Variants in GPR158 observed in about 807,000 individuals in gnomAD.
The protein encoded by GPR158 is G protein-coupled receptor 158, also known as metabotropic glycine receptor.
Under a neutral mutation model 78.2 loss-of-function variants are expected in GPR158, and 30 were observed. That is an observed-to-expected ratio of 0.38 (90% CI 0.29 to 0.52). The LOEUF is 0.52. Ranked by LOEUF, GPR158 falls within the 20% of genes least tolerant of loss-of-function variation. The pLI, the probability that GPR158 is intolerant of heterozygous loss-of-function variation, is 0.83. For missense variants in GPR158, 1,463 were observed against 1,523.5 expected, an observed-to-expected ratio of 0.96 and a Z score of 0.66; for synonymous variants, 581 against 591.1, an observed-to-expected ratio of 0.98 and a Z score of 0.25.
chr10:25,429,683 C>T (rs538169374), intron 4 of GPR158, among the ~76,000 whole-genome samples: 66 of 150,930 alleles, frequency 4.4e-4, no homozygotes, highest in Middle Eastern at 3.4e-3. Context: ...GGCTTCATCC[C>T]TGGGATGCAA....
chr10:25,354,618 A>G (rs1855522690), intron 2 of GPR158, among the ~76,000 whole-genome samples: 1 of 152,040 alleles, frequency 6.6e-6, no homozygotes, highest in Non-Finnish European at 1.5e-5. Flanking sequence ...GTGTTAGAGT[A>G]TTCTTGGCTT....
chr10:25,529,204 G>A (rs117288939), intron 5 of GPR158, among the ~76,000 whole-genome samples: 2,353 of 152,060 alleles, frequency 0.015, 20 homozygotes, highest in Non-Finnish European at 0.025. Context: ...CTGCTAACAC[G>A]GTGAAACCCT....
chr10:25,314,988 T>C (rs1255152349), intron 2 of GPR158, among the ~76,000 whole-genome samples: 1 of 151,198 alleles, frequency 6.6e-6, no homozygotes, highest in Non-Finnish European at 1.5e-5. Flanking sequence ...CTGAATTTTT[T>C]TGTCAGTACT....
At chr10:25,329,808 G>A (rs1046098869) in intron 2 of GPR158, among the ~76,000 whole-genome samples, 5 of 152,002 alleles carry the variant, frequency 3.3e-5, no homozygotes, top group African/African-American at 4.8e-5. Flanking sequence ...ACTAGGTTAC[G>A]ATGGCGTCAT....
intron 2 of GPR158, among the ~76,000 whole-genome samples, chr10:25,313,957 G>T (rs946744105): frequency 6.6e-6 from 1 of 152,070 alleles, no homozygotes; most frequent in Non-Finnish European, 1.5e-5. Flanking sequence ...AACCATCAGG[G>T]CCTGGCACTT....
Position 25,175,688 on chromosome 10 carries a change from G to A in GPR158, c.268G>A (p.Asp90Asn). 1 of 1,611,722 alleles carries A rather than the reference G, an allele frequency of 6.2e-7. No individual in the cohort carries two copies. Among genetic ancestry groups the A allele is most frequent in the Non-Finnish European group, 8.5e-7 (1 of 1,179,950 alleles). Residue 90 changes from aspartate to asparagine, a missense_variant, in exon 1 of 11, where the codon GAC (aspartate) becomes AAC (asparagine). By Grantham distance (23) the Asp-to-Asn change is conservative. Transcript: ENST00000376351. This position sits in a 1 kb window ranked among gnomAD's most constrained non-coding sequence, Gnocchi z 6.4. ...MDVASYLYTGDSHQLKRANCS... is the reference protein window; with the variant it reads ...MDVASYLYTGNSHQLKRANCS... ...CGTGGCCTCTTACCTCTACACCGGGGACTCCCACCAGCTGAAGCGAGCCAA... is the reference window on the plus strand; with the variant it reads ...CGTGGCCTCTTACCTCTACACCGGGAACTCCCACCAGCTGAAGCGAGCCAA...
At chr10:25,385,754 C>T (rs532129033) in intron 2 of GPR158, among the ~76,000 whole-genome samples, 17 of 152,064 alleles carry the variant, frequency 1.1e-4, no homozygotes, top group Admixed American at 2.0e-4. Context: ...GCTTATTGGC[C>T]ATTGGTATAT....
intron 3 of GPR158, among the ~76,000 whole-genome samples, chr10:25,403,993 CAA>C (rs1834479234): frequency 6.6e-6 from 1 of 151,994 alleles, no homozygotes; most frequent in Non-Finnish European, 1.5e-5. Context: ...AACTTTTAAA[CAA>C]TCATAAGCTT....
At chr10:25,319,239 G>A (rs1404063614) in intron 2 of GPR158, among the ~76,000 whole-genome samples, 3 of 152,248 alleles carry the variant, frequency 2.0e-5, no homozygotes, top group African/African-American at 7.2e-5. Context: ...CTAATCTAGA[G>A]TAGTTACCTC....
intron 2 of GPR158, among the ~76,000 whole-genome samples, chr10:25,372,580 T>G (rs7076766): frequency 0.39 from 55,799 of 144,368 alleles, 13,340 homozygotes; most frequent in Middle Eastern, 0.56. Flanking sequence ...AAATTGGAAA[T>G]CACCATTCTC....
At chr10:25,383,130 C>T (rs1359270962) in intron 2 of GPR158, among the ~76,000 whole-genome samples, 1 of 152,166 alleles carries the variant, frequency 6.6e-6, no homozygotes, top group Non-Finnish European at 1.5e-5. Context: ...CCGCCGCTCC[C>T]GGCCCAGATG....
chr10:25,308,790 C>T lies in GPR158; in HGVS notation c.1009-87121C>T, dbSNP rs140767795. ...GATTTTGACTGCTTTACATACCTCA[C>T]GTAAGTGAATCATATAGTATATTTT... is the stretch of plus-strand genomic sequence containing the variant. On this transcript the variant is annotated intron_variant, in intron 2 of 10. Coordinates refer to ENST00000376351, the MANE Select transcript of GPR158 (RefSeq NM_020752.3). 1.3e-3 allele frequency among the ~76,000 whole-genome samples: 200 copies of T among 152,232 alleles called. 1 individual carries two copies. The highest frequency in any genetic ancestry group is 4.5e-3 in the African/African-American group (185 of 41,550).
chr10:25,543,501 G>A (rs1836617685), intron 5 of GPR158, among the ~76,000 whole-genome samples: 2 of 152,116 alleles, frequency 1.3e-5, no homozygotes, highest in African/African-American at 4.8e-5. Flanking sequence ...TAAATTTAAG[G>A]GGTACAAGTG....
At chr10:25,222,031 G>A (rs925137244) in intron 2 of GPR158, among the ~76,000 whole-genome samples, 3 of 152,068 alleles carry the variant, frequency 2.0e-5, no homozygotes, top group African/African-American at 7.2e-5. Context: ...TTTTAAGGAA[G>A]GAATTTTAAA....
chr10:25,213,780 G>A lies in GPR158; in HGVS notation c.903-7272G>A, dbSNP rs190154851. Among the ~76,000 whole-genome samples the A allele has an allele frequency of 3.6e-4, 55 of 152,136 alleles. No individual in the cohort carries two copies. The East Asian group carries it at 0.01, about 28-fold the overall frequency. ...TTTTTATGCTTATTGTGCTATTAAA[G>A]TTTTTTCTTCCATTTGGGGCAAACT... is the stretch of plus-strand genomic sequence containing the variant. On this transcript the variant is annotated intron_variant, in intron 1 of 10. Transcript: ENST00000376351.
At chr10:25,285,711 T>G (rs1388428797) in intron 2 of GPR158, among the ~76,000 whole-genome samples, 1 of 152,170 alleles carries the variant, frequency 6.6e-6, no homozygotes, top group East Asian at 1.9e-4. Context: ...ATGCCAATCT[T>G]CTTTGAATAA....
chr10:25,565,655 A>G (rs1200649449), intron 6 of GPR158, among the ~76,000 whole-genome samples: 2 of 152,216 alleles, frequency 1.3e-5, no homozygotes, highest in African/African-American at 4.8e-5. Flanking sequence ...GTTTTGCTTT[A>G]GATAAATGAC....
chr10:25,382,206 A>G (rs1371866645), intron 2 of GPR158, among the ~76,000 whole-genome samples: 1 of 152,174 alleles, frequency 6.6e-6, no homozygotes, highest in African/African-American at 2.4e-5. Context: ...TTCTGTAGGA[A>G]GGCCTAGAAA....
At chr10:25,595,819 G>T (rs550045440) in intron 9 of GPR158, among the ~76,000 whole-genome samples, 2 of 152,250 alleles carry the variant, frequency 1.3e-5, no homozygotes, top group Admixed American at 6.5e-5. Flanking sequence ...AGTGATGATG[G>T]TTGCACAACC....
Sources: allele counts gnomAD v4.1 joint callset (sites outside exome capture counted in the v4.1 genomes callset), GRCh38; gene constraint gnomAD v4.1.1; non-coding constraint Gnocchi (gnomAD v3.1); transcripts MANE v1.5; gene names NCBI Gene and HGNC (gene_info 2026-07-23, HGNC 2026-07-21).